Variants in SUMF1 observed in about 807,000 individuals in gnomAD.
SUMF1 encodes formylglycine-generating enzyme.
A neutral mutation model predicts 47.6 loss-of-function variants in SUMF1; 48 were observed. The ratio of observed to expected loss-of-function variants is 1.01; its 90% CI spans 0.80 to 1.28. SUMF1 has a LOEUF of 1.28. SUMF1 is among the 50% of genes most tolerant of loss of function. The pLI is 0.00. For synonymous variants in SUMF1, 230 were observed against 192.1 expected, an observed-to-expected ratio of 1.20 and a Z score of -1.63; for missense variants, 571 against 485.4, an observed-to-expected ratio of 1.18 and a Z score of -1.66.
chr3:4,457,064 A>ACG (rs2079675778), intron 1 of SUMF1, among the ~76,000 whole-genome samples: 1 of 105,634 alleles, frequency 9.5e-6, no homozygotes, highest in Non-Finnish European at 2.5e-5. Flanking sequence ...GTGTGTATAT[A>ACG]TATATATATA....
intron 8 of SUMF1, among the ~76,000 whole-genome samples, chr3:4,159,030 C>G (rs1027964127): frequency 1.3e-5 from 2 of 151,400 alleles, no homozygotes; most frequent in African/African-American, 4.9e-5. Context: ...AAAGTTGTTG[C>G]AGTTTTTTTA....
chr3:4,367,144 C>T (rs961285242), intron 8 of SUMF1, among the ~76,000 whole-genome samples: 8 of 152,136 alleles, frequency 5.3e-5, no homozygotes, highest in Non-Finnish European at 8.8e-5. Flanking sequence ...GGGTGCCTCA[C>T]AGTTAGGCTG....
At chr3:4,252,701 C>A (rs1007692294) in intron 8 of SUMF1, among the ~76,000 whole-genome samples, 1 of 152,096 alleles carries the variant, frequency 6.6e-6, no homozygotes, top group South Asian at 2.1e-4. Context: ...ACCGGGCCAA[C>A]CCCTTTAATG....
chr3:4,350,062 A>G (rs540925211), intron 8 of SUMF1, among the ~76,000 whole-genome samples: 10 of 149,432 alleles, frequency 6.7e-5, no homozygotes, highest in South Asian at 2.1e-4. Flanking sequence ...GCGCAGTGGC[A>G]CGATCTTGGG....
intron 8 of SUMF1, among the ~76,000 whole-genome samples, chr3:4,348,383 AACCAT>A (rs1699416458): frequency 6.6e-6 from 1 of 152,142 alleles, no homozygotes; most frequent in Non-Finnish European, 1.5e-5. Flanking sequence ...ACACATCTAC[AACCAT>A]CTGATCTTTC....
intron 8 of SUMF1, among the ~76,000 whole-genome samples, chr3:4,232,754 T>C (rs1258492595): frequency 6.6e-6 from 1 of 152,042 alleles, no homozygotes; most frequent in African/African-American, 2.4e-5. Context: ...AAATAAAAAT[T>C]CAATATCTAA....
chr3:4,392,728 A>C (rs762955229), intron 7 of SUMF1, among the ~76,000 whole-genome samples: 5 of 151,008 alleles, frequency 3.3e-5, no homozygotes, highest in Non-Finnish European at 7.4e-5. Flanking sequence ...ATTTTCCTGA[A>C]GGTTTTTGTT....
chr3:4,066,648 A>G (rs1157679930), intron 9 of SUMF1, among the ~76,000 whole-genome samples: 1 of 152,096 alleles, frequency 6.6e-6, no homozygotes, highest in African/African-American at 2.4e-5. Context: ...CCTTCCTGCT[A>G]TATACACCCC....
At chr3:4,142,465 T>G (rs1553603274) in intron 8 of SUMF1, among the ~76,000 whole-genome samples, 1 of 151,518 alleles carries the variant, frequency 6.6e-6, no homozygotes, top group Non-Finnish European at 1.5e-5. Context: ...ATAGGGGATA[T>G]CATATATTTT....
intron 7 of SUMF1, among the ~76,000 whole-genome samples, chr3:4,391,500 T>A (rs1700861437): frequency 6.6e-6 from 1 of 152,172 alleles, no homozygotes; most frequent in African/African-American, 2.4e-5. Context: ...TGTATTTATT[T>A]TGAGACAGGG....
intron 8 of SUMF1, among the ~76,000 whole-genome samples, chr3:4,294,489 G>C (rs776480303): frequency 6.6e-6 from 1 of 152,148 alleles, no homozygotes; most frequent in Non-Finnish European, 1.5e-5. Flanking sequence ...TCTTTAGGCT[G>C]AGAGATCGAG....
At chr3:4,084,603 C>T (rs1692633866) in intron 8 of SUMF1, among the ~76,000 whole-genome samples, 1 of 152,088 alleles carries the variant, frequency 6.6e-6, no homozygotes, top group Non-Finnish European at 1.5e-5. Context: ...GACAAAGAAA[C>T]TCAAGACTTA....
intron 8 of SUMF1, among the ~76,000 whole-genome samples, chr3:4,119,713 A>AACACACAC (rs144771849): frequency 3.4e-5 from 5 of 149,020 alleles, no homozygotes; most frequent in African/African-American, 1.2e-4. Context: ...CACATACACA[A>AACACACAC]ACACACACAC....
chr3:4,422,914 C>A (rs191049459), intron 3 of SUMF1, among the ~76,000 whole-genome samples: 4 of 151,894 alleles, frequency 2.6e-5, no homozygotes, highest in Admixed American at 2.6e-4. Context: ...AAGCAGTATA[C>A]ACTGAACCCA....
At chr3:4,341,542 G>C (rs1027838193) in intron 8 of SUMF1, among the ~76,000 whole-genome samples, 7 of 152,016 alleles carry the variant, frequency 4.6e-5, no homozygotes, top group African/African-American at 1.7e-4. Flanking sequence ...ATATCCAATA[G>C]ACATCTTTTT....
intron 8 of SUMF1, among the ~76,000 whole-genome samples, chr3:4,288,791 G>A (rs1489292640): frequency 3.7e-5 from 5 of 135,884 alleles, no homozygotes; most frequent in African/African-American, 1.3e-4. Context: ...ACAACAGAGC[G>A]AGACTCTGTC....
chr3:4,202,559 C>T (rs1365934485), intron 8 of SUMF1, among the ~76,000 whole-genome samples: 3 of 151,692 alleles, frequency 2.0e-5, no homozygotes, highest in African/African-American at 7.3e-5. Context: ...AGTTTTGTTC[C>T]TTTTGTTCCA....
At chr3:4,259,488 TG>T (rs912383719) in intron 8 of SUMF1, among the ~76,000 whole-genome samples, 2 of 152,214 alleles carry the variant, frequency 1.3e-5, no homozygotes, top group African/African-American at 4.8e-5. Flanking sequence ...TACATATTTC[TG>T]TCTTTTTGAC....
At chr3:4,075,527 T>C (rs1276339966) in intron 8 of SUMF1, among the ~76,000 whole-genome samples, 2 of 151,992 alleles carry the variant, frequency 1.3e-5, no homozygotes, top group Non-Finnish European at 2.9e-5. Context: ...GGGTATTCAA[T>C]TAGGAAAAGA....
Sources: gnomAD v4.1 joint callset for allele counts (sites outside exome capture counted in the v4.1 genomes callset) on GRCh38, gnomAD v4.1.1 for gene constraint, MANE v1.5 for transcripts, NCBI Gene and HGNC (gene_info 2026-07-23, HGNC 2026-07-21) for gene names.